The following ATG10 variants were observed in gnomAD, a reference collection of about 807,000 sequenced individuals.
ATG10 encodes autophagy related 10.
In ATG10, 30 loss-of-function variants were observed where a neutral mutation model predicts 32.1. That is an observed-to-expected ratio of 0.94 (90% CI 0.70 to 1.27). ATG10 has a LOEUF of 1.27. Ranked by LOEUF, ATG10 falls within the 50% of genes most tolerant of loss-of-function variation. The pLI, the probability that ATG10 is intolerant of heterozygous loss-of-function variation, is 0.00. For synonymous variants in ATG10, 87 were observed against 91.5 expected (o/e 0.95, Z 0.28); for missense variants, 233 against 262.3 (o/e 0.89, Z 0.77).
At chr5:82,135,690 A>G (rs1766705653) in intron 3 of ATG10, among the ~76,000 whole-genome samples, 1 of 152,174 alleles carries the variant, frequency 6.6e-6, no homozygotes, top group South Asian at 2.1e-4. Context: ...AAGAATGTAT[A>G]TGCTGTTGAT....
chr5:82,080,680 T>A (rs1452330554), intron 3 of ATG10, among the ~76,000 whole-genome samples: 2 of 152,204 alleles, frequency 1.3e-5, no homozygotes, highest in Admixed American at 1.3e-4. Flanking sequence ...TGTAGATGTG[T>A]GGCATTATTT....
intron 5 of ATG10, among the ~76,000 whole-genome samples, chr5:82,217,753 G>A (rs1745744656): frequency 6.6e-6 from 1 of 150,970 alleles, no homozygotes; most frequent in Non-Finnish European, 1.5e-5. Context: ...CAGGAAGACT[G>A]CTTGAGCCCA....
intron 3 of ATG10, among the ~76,000 whole-genome samples, chr5:82,108,793 G>A (rs992705848): frequency 8.6e-5 from 13 of 151,996 alleles, no homozygotes; most frequent in African/African-American, 2.7e-4. Context: ...CAAATTTTCA[G>A]TCTATGTGAC....
intron 6 of ATG10, 60 bp from the exon 7 acceptor site, chr5:82,253,254 C>A: frequency 8.8e-7 from 1 of 1,137,992 alleles, no homozygotes; most frequent in Non-Finnish European, 1.3e-6. Flanking sequence ...GATGTTCTAC[C>A]ATTCATCCAA....
intron 5 of ATG10, among the ~76,000 whole-genome samples, chr5:82,247,800 T>A (rs1444552024): frequency 6.6e-6 from 1 of 152,204 alleles, no homozygotes; most frequent in Non-Finnish European, 1.5e-5. Context: ...TTTCTTGTTG[T>A]TGCTGTTGTT....
At chr5:82,173,051 G>T (rs1343036025) in intron 4 of ATG10, among the ~76,000 whole-genome samples, 1 of 152,028 alleles carries the variant, frequency 6.6e-6, no homozygotes, top group African/African-American at 2.4e-5. Flanking sequence ...GACATTTTTT[G>T]TTGTGAAAAA....
rs1196352675 is a variant in ATG10, at chr5:82,130,343, G to A, written c.217-34056G>A. On this transcript the variant is annotated intron_variant, in intron 3 of 7. Coordinates refer to ENST00000282185, the MANE Select transcript of ATG10 (RefSeq NM_031482.5). ...TCCCTGGCTTTAGCCCCCTTTTCAG[G>A]GGAGCGAATGGTTCTGTCTCGCTGG... Among the ~76,000 whole-genome samples, 3 of 152,046 alleles carry A rather than the reference G, an allele frequency of 2.0e-5. No individual in the cohort carries two copies. The East Asian group carries it at 5.8e-4, about 30-fold the overall frequency.
At chr5:82,048,193 C>T (rs1471949396) in intron 2 of ATG10, among the ~76,000 whole-genome samples, 15 of 133,118 alleles carry the variant, frequency 1.1e-4, no homozygotes, top group Non-Finnish European at 1.6e-4. Context: ...ATTGACTTGG[C>T]GATGCGGGCT....
chr5:82,016,982 G>A (rs1485654972), intron 2 of ATG10, among the ~76,000 whole-genome samples: 1 of 152,088 alleles, frequency 6.6e-6, no homozygotes, highest in African/African-American at 2.4e-5. Context: ...GAGCCACTGC[G>A]CCCAGCCCCA....
At chr5:82,094,623 TA>T (rs1437116661) in intron 3 of ATG10, among the ~76,000 whole-genome samples, 1 of 152,122 alleles carries the variant, frequency 6.6e-6, no homozygotes, top group Admixed American at 6.5e-5. Flanking sequence ...TAAAAATATT[TA>T]AAAAGTGTTT....
chr5:82,040,705 C>G (rs1164644985), intron 2 of ATG10, among the ~76,000 whole-genome samples: 1 of 152,068 alleles, frequency 6.6e-6, no homozygotes, highest in Non-Finnish European at 1.5e-5. Flanking sequence ...AGATTTTTTT[C>G]CACTGTGATT....
intron 4 of ATG10, among the ~76,000 whole-genome samples, chr5:82,164,973 T>C (rs947306955): frequency 8.5e-5 from 13 of 152,258 alleles, no homozygotes; most frequent in African/African-American, 2.9e-4. Context: ...ATCAATTAGC[T>C]TAAGCTGTAT....
chr5:82,247,901 A>G (rs529400591), intron 5 of ATG10, among the ~76,000 whole-genome samples: 13 of 151,720 alleles, frequency 8.6e-5, no homozygotes, highest in African/African-American at 3.1e-4. Flanking sequence ...CTGGTTTTTT[A>G]ATTCTTATTT....
intron 3 of ATG10, among the ~76,000 whole-genome samples, chr5:82,135,118 C>A (rs1187463450): frequency 6.6e-6 from 1 of 151,856 alleles, no homozygotes; most frequent in Non-Finnish European, 1.5e-5. Flanking sequence ...TCTCTGTTTT[C>A]TTCTTTATTA....
At chr5:82,183,113 A>G (rs1744298223) in intron 5 of ATG10, among the ~76,000 whole-genome samples, 1 of 149,464 alleles carries the variant, frequency 6.7e-6, no homozygotes, top group East Asian at 1.9e-4. Context: ...TAAAAAAGGT[A>G]AGGACTCAAA....
chr5:82,241,489 T>A (rs889647913), intron 5 of ATG10, among the ~76,000 whole-genome samples: 1 of 152,190 alleles, frequency 6.6e-6, no homozygotes, highest in African/African-American at 2.4e-5. Context: ...TACATGATCC[T>A]GCGTCTTGGC....
At chr5:81,983,668 G>T (rs1415281954) in intron 1 of ATG10, among the ~76,000 whole-genome samples, 1 of 151,830 alleles carries the variant, frequency 6.6e-6, no homozygotes, top group Non-Finnish European at 1.5e-5. Flanking sequence ...CTCCCGGACG[G>T]GGTGGCTGCC....
intron 5 of ATG10, among the ~76,000 whole-genome samples, chr5:82,221,509 G>A (rs1259243204): frequency 2.6e-5 from 4 of 152,166 alleles, no homozygotes; most frequent in Non-Finnish European, 5.9e-5. Flanking sequence ...CCATATGTTA[G>A]ATAATCACAG....
intron 2 of ATG10, among the ~76,000 whole-genome samples, chr5:82,018,545 A>G (rs983674090): frequency 6.6e-6 from 1 of 152,034 alleles, no homozygotes; most frequent in African/African-American, 2.4e-5. Flanking sequence ...TTCCTTCTCC[A>G]CTTTCTTACT....
Sources: gnomAD v4.1 joint callset for allele counts (sites outside exome capture counted in the v4.1 genomes callset) on GRCh38, gnomAD v4.1.1 for gene constraint, MANE v1.5 for transcripts, NCBI Gene and HGNC (gene_info 2026-07-23, HGNC 2026-07-21) for gene names.